The following SYBU variants were observed in gnomAD, a reference collection of about 807,000 sequenced individuals.
The protein encoded by SYBU is GOLSYN A protein.
A neutral mutation model predicts 35.9 loss-of-function variants in SYBU; 21 were observed. The observed-to-expected ratio is 0.58, with a 90% CI of 0.41 to 0.84. The LOEUF is 0.84. Ranked by LOEUF, SYBU falls within the 40% of genes least tolerant of loss-of-function variation. The pLI, the probability that SYBU is intolerant of heterozygous loss-of-function variation, is 0.00. For synonymous variants in SYBU, 319 were observed against 324.3 expected (o/e 0.98, Z 0.18); for missense variants, 768 against 848.2 (o/e 0.91, Z 1.17).
At chr8:109,659,114 C>T (rs1183365872) in intron 1 of SYBU, among the ~76,000 whole-genome samples, 1 of 152,118 alleles carries the variant, frequency 6.6e-6, no homozygotes, top group Non-Finnish European at 1.5e-5. Flanking sequence ...GTTTTGGACC[C>T]TTGTGTTTTC....
intron 2 of SYBU, among the ~76,000 whole-genome samples, chr8:109,622,231 T>TCTATCATCTAC (rs1812501834): frequency 6.8e-6 from 1 of 147,744 alleles, no homozygotes; most frequent in Non-Finnish European, 1.5e-5. Flanking sequence ...CTATCATCTA[T>TCTATCATCTAC]CTATCTATCT....
chr8:109,623,664 A>C (rs1812682738), intron 2 of SYBU, among the ~76,000 whole-genome samples: 1 of 152,158 alleles, frequency 6.6e-6, no homozygotes, highest in East Asian at 1.9e-4. Flanking sequence ...GAAATATAGG[A>C]TATAGTTAAT....
intron 2 of SYBU, among the ~76,000 whole-genome samples, chr8:109,627,153 G>GA (rs1813076104): frequency 1.3e-5 from 1 of 77,418 alleles, no homozygotes; most frequent in South Asian, 5.5e-4. Flanking sequence ...TAATTTTTGT[G>GA]GGGGGGAAGT....
chr8:109,627,794 C>A (rs1014630997), intron 2 of SYBU, among the ~76,000 whole-genome samples: 10 of 152,186 alleles, frequency 6.6e-5, no homozygotes, highest in Non-Finnish European at 1.5e-4. Context: ...AAATTGGAGG[C>A]AAGAAACTCT....
At chr8:109,598,101 A>G (rs1451136473) in intron 3 of SYBU, among the ~76,000 whole-genome samples, 1 of 152,242 alleles carries the variant, frequency 6.6e-6, no homozygotes, top group African/African-American at 2.4e-5. Context: ...TAAGCCCTCC[A>G]GGAATATAGA....
At chr8:109,586,663 TG>T (rs2129714864) in intron 3 of SYBU, 1 of 153,574 alleles carries the variant, frequency 6.5e-6, no homozygotes, top group African/African-American at 2.4e-5. Context: ...GAGCAAAGCC[TG>T]GGCTCCCAGA....
intron 1 of SYBU, among the ~76,000 whole-genome samples, chr8:109,686,036 C>T (rs1028603447): frequency 6.6e-6 from 1 of 152,120 alleles, no homozygotes; most frequent in African/African-American, 2.4e-5. Context: ...AATATACAAG[C>T]TAGTAATGTC....
intron 1 of SYBU, among the ~76,000 whole-genome samples, chr8:109,667,902 A>G (rs1185712545): frequency 6.6e-6 from 1 of 152,164 alleles, no homozygotes; most frequent in African/African-American, 2.4e-5. Flanking sequence ...CCATATTTTA[A>G]AGCTTATTAG....
rs141205115 is a variant in SYBU, at chr8:109,597,158, T to C, written c.428-10996A>G. On this transcript the variant is annotated intron_variant, in intron 3 of 6. Transcript: ENST00000276646. ...ACTTCACAACCCTGTACTTAAGACTTGGCAAGGAGATGGGCCCATGAACAT... is the reference window on the plus strand; with the variant it reads ...ACTTCACAACCCTGTACTTAAGACTCGGCAAGGAGATGGGCCCATGAACAT... 4.0e-3 allele frequency among the ~76,000 whole-genome samples: 602 copies of C among 152,232 alleles called. 1 individual carries two copies. The highest frequency in any genetic ancestry group is 7.7e-3 in the Non-Finnish European group (524 of 67,998).
chr8:109,588,472 C>T (rs1168846701), intron 3 of SYBU, among the ~76,000 whole-genome samples: 1 of 152,142 alleles, frequency 6.6e-6, no homozygotes, highest in East Asian at 1.9e-4. Flanking sequence ...CATTCGGGTC[C>T]CTGCAGCTGC....
At chr8:109,671,263 A>T (rs1002550163) in intron 1 of SYBU, among the ~76,000 whole-genome samples, 1 of 148,868 alleles carries the variant, frequency 6.7e-6, no homozygotes, top group Admixed American at 6.7e-5. Flanking sequence ...GGTGTGGCAT[A>T]GTGTTTTCTT....
intron 2 of SYBU, among the ~76,000 whole-genome samples, chr8:109,639,460 C>A (rs539638019): frequency 6.6e-6 from 1 of 152,238 alleles, no homozygotes; most frequent in Admixed American, 6.5e-5. Context: ...AATTAAATTT[C>A]ATTGCATTTG....
At chr8:109,645,633 G>GTTTTGTT (rs796659216), upstream of SYBU, 1 of 217,766 alleles carries the variant, frequency 4.6e-6, no homozygotes, top group African/African-American at 2.7e-5. Context: ...TTCGTTTTTT[G>GTTTTGTT]TTTTTTTTTT....
At chr8:109,608,052 C>G (rs940883394) in intron 3 of SYBU, 3 of 1,098,180 alleles carry the variant, frequency 2.7e-6, no homozygotes, top group African/African-American at 3.1e-5. Context: ...AGTGGGGTAT[C>G]CATGGAGACT....
intron 1 of SYBU, among the ~76,000 whole-genome samples, chr8:109,664,948 T>TA (rs1260316459): frequency 1.3e-5 from 2 of 152,172 alleles, no homozygotes; most frequent in Non-Finnish European, 2.9e-5. Flanking sequence ...GTGAAATGAT[T>TA]AGCAAATGAT....
At chr8:109,628,650 C>T (rs1813240973) in intron 2 of SYBU, among the ~76,000 whole-genome samples, 1 of 152,042 alleles carries the variant, frequency 6.6e-6, no homozygotes, top group Admixed American at 6.6e-5. Context: ...GCCAGAGACC[C>T]TCATATCTAC....
chr8:109,650,659 A>G (rs1255061756), intron 1 of SYBU, among the ~76,000 whole-genome samples: 1 of 152,118 alleles, frequency 6.6e-6, no homozygotes, highest in African/African-American at 2.4e-5. Flanking sequence ...TTTGCTGTGT[A>G]CTCCCAGCTC....
At chr8:109,680,000 C>T (rs932355021) in intron 1 of SYBU, among the ~76,000 whole-genome samples, 1 of 152,134 alleles carries the variant, frequency 6.6e-6, no homozygotes, top group African/African-American at 2.4e-5. Flanking sequence ...AATAATACAA[C>T]ACATTTACTT....
intron 3 of SYBU, among the ~76,000 whole-genome samples, chr8:109,587,527 A>T (rs1294393038): frequency 6.6e-6 from 1 of 152,216 alleles, no homozygotes; most frequent in African/African-American, 2.4e-5. Context: ...AAGTTCTTAA[A>T]GAAACTATAC....
Sources: allele counts gnomAD v4.1 joint callset (sites outside exome capture counted in the v4.1 genomes callset), GRCh38; gene constraint gnomAD v4.1.1; transcripts MANE v1.5; gene names NCBI Gene and HGNC (gene_info 2026-07-23, HGNC 2026-07-21).